The following ADAMTS19 variants were observed in gnomAD, a reference collection of about 807,000 sequenced individuals.
The protein encoded by ADAMTS19 is A disintegrin and metalloproteinase with thrombospondin motifs 19.
ADAMTS19 carries 93 observed loss-of-function variants against 153.3 expected under a neutral mutation model. The ratio of observed to expected loss-of-function variants is 0.61; its 90% CI spans 0.51 to 0.72. The LOEUF (loss-of-function observed/expected upper bound fraction) is 0.72. Among genes scored for constraint, ADAMTS19 ranks in the 30% least tolerant of loss-of-function variants. The probability of loss-of-function intolerance (pLI) is 0.00; values close to 1 mark genes in which losing one functional copy is unlikely to be tolerated. For synonymous variants in ADAMTS19, 600 were observed against 556.6 expected (o/e 1.08, Z -1.10); for missense variants, 1,482 against 1,552.1 (o/e 0.95, Z 0.76).
At chr5:129,530,243 G>A (rs562506852) in intron 6 of ADAMTS19, among the ~76,000 whole-genome samples, 2 of 152,272 alleles carry the variant, frequency 1.3e-5, no homozygotes, top group Admixed American at 6.5e-5. Context: ...AATAGAAACT[G>A]ACCTCAAGAT....
At chr5:129,735,156 T>G in intron 22 of ADAMTS19, 47 bp downstream of exon 22, 1 of 1,462,290 alleles carries the variant, frequency 6.8e-7, no homozygotes. Flanking sequence ...ATAGAAATGC[T>G]TATGGCTTCT....
chr5:129,669,688 T>A (rs1754213874), intron 16 of ADAMTS19, among the ~76,000 whole-genome samples: 1 of 152,124 alleles, frequency 6.6e-6, no homozygotes, highest in Admixed American at 6.6e-5. Flanking sequence ...ATCTTTCTTC[T>A]TTTTTAATAT....
chr5:129,552,370 A>G (rs895668964), intron 7 of ADAMTS19, among the ~76,000 whole-genome samples: 5 of 151,902 alleles, frequency 3.3e-5, no homozygotes, highest in Admixed American at 6.6e-5. Flanking sequence ...CACCATTTGT[A>G]TTAGATATCT....
At position 129,709,936 on chromosome 5, in the gene ADAMTS19, T is replaced by C. The variant is rs142689186; in HGVS notation, c.3312+5545T>C. Among the ~76,000 whole-genome samples the C allele has an allele frequency of 1.2e-4, 18 of 152,270 alleles. No individual in the cohort carries two copies. The East Asian group carries it at 3.5e-3, about 29-fold the overall frequency. On this transcript the variant is annotated intron_variant, in intron 21 of 22. Coordinates refer to ENST00000274487, the MANE Select transcript of ADAMTS19 (RefSeq NM_133638.6). ...ATAGGCTGTAGGCTCATAGGATCTT[T>C]GGCCTGACCATCTGTCCTCTATTTT... is the stretch of plus-strand genomic sequence containing the variant.
At chr5:129,510,856 GATAT>G (rs60233609) in intron 3 of ADAMTS19, among the ~76,000 whole-genome samples, 1,431 of 141,100 alleles carry the variant, frequency 0.01, 25 homozygotes, top group African/African-American at 0.036. Flanking sequence ...AAGTTTCTGA[GATAT>G]ATATATATAT....
chr5:129,464,444 G>A (rs940675408), intron 2 of ADAMTS19, among the ~76,000 whole-genome samples: 4 of 152,204 alleles, frequency 2.6e-5, no homozygotes, highest in African/African-American at 9.7e-5. Flanking sequence ...GTCAGTTGCA[G>A]AGAAGAGGGT....
At position 129,461,077 on chromosome 5, in the gene ADAMTS19, G is replaced by A; in HGVS notation, c.92-25G>A. 7.3e-7 allele frequency: 1 copy of A among 1,363,478 alleles called. No homozygotes were observed. The highest frequency in any genetic ancestry group is 9.4e-7 in the Non-Finnish European group (1 of 1,061,098). The allele number at this position is 1,363,478 out of a possible 1,614,324, so 84.5% of individuals were successfully genotyped here. A position where few individuals can be genotyped will look rare whatever the true frequency, so the allele number is the denominator to read the frequency against. ...CTGGAACCGCGGCACTTTAAGCCCC[G>A]CACTTCTGTCTGCCCCGCCCGCAGA... On this transcript the variant is annotated intron_variant, in intron 1 of 22. Transcript: ENST00000274487. This position sits in a 1 kb window ranked among gnomAD's most constrained non-coding sequence, Gnocchi z 4.6.
At chr5:129,646,089 T>C (rs30680) in intron 11 of ADAMTS19, among the ~76,000 whole-genome samples, 69,707 of 147,870 alleles carry the variant, frequency 0.47, 19,047 homozygotes, top group African/African-American at 0.76. Flanking sequence ...GGGGTTTCAC[T>C]GTTTTAGCCG....
At chr5:129,629,339 T>G (rs1752189217) in intron 10 of ADAMTS19, among the ~76,000 whole-genome samples, 1 of 152,220 alleles carries the variant, frequency 6.6e-6, no homozygotes, top group Non-Finnish European at 1.5e-5. Flanking sequence ...CAATTAGGCA[T>G]CCTTATGACC....
intron 21 of ADAMTS19, among the ~76,000 whole-genome samples, chr5:129,720,177 T>C: frequency 6.9e-6 from 1 of 145,848 alleles, no homozygotes; most frequent in East Asian, 2.0e-4. Flanking sequence ...TATATTTATT[T>C]TTTTTTTTTT....
rs929060451 is a variant in ADAMTS19, at chr5:129,519,469, G to A, written c.914-6815G>A. On this transcript the variant is annotated intron_variant, in intron 3 of 22. Transcript: ENST00000274487. Reference sequence around the variant, plus strand: ...GAGGGGTGATGCCAGAACTCCCTTGGCCATCCTAGCTGGTGTCTCAGTATA... The same window carrying A: ...GAGGGGTGATGCCAGAACTCCCTTGACCATCCTAGCTGGTGTCTCAGTATA... Among the ~76,000 whole-genome samples, 9 of 152,082 alleles carry A rather than the reference G, an allele frequency of 5.9e-5. No individual in the cohort carries two copies. The South Asian group carries it at 1.2e-3, about 21-fold the overall frequency.
chr5:129,472,251 GGTGTGA>G (rs1306337183), intron 2 of ADAMTS19, among the ~76,000 whole-genome samples: 1 of 152,190 alleles, frequency 6.6e-6, no homozygotes, highest in African/African-American at 2.4e-5. Context: ...CATTCTGGCT[GGTGTGA>G]GATGGTATCT....
At chr5:129,659,014 G>C (rs1753713844) in intron 15 of ADAMTS19, among the ~76,000 whole-genome samples, 1 of 152,158 alleles carries the variant, frequency 6.6e-6, no homozygotes, top group Non-Finnish European at 1.5e-5. Context: ...ATGTTATCAG[G>C]TTTCTACAGA....
At chr5:129,598,030 C>G (rs375928119) in intron 8 of ADAMTS19, among the ~76,000 whole-genome samples, 2 of 152,106 alleles carry the variant, frequency 1.3e-5, no homozygotes, top group African/African-American at 2.4e-5. Context: ...TAATTGGACT[C>G]AGATTTAGTG....
At chr5:129,546,716 C>A (rs1345993133) in intron 6 of ADAMTS19, among the ~76,000 whole-genome samples, 1 of 150,946 alleles carries the variant, frequency 6.6e-6, no homozygotes, top group African/African-American at 2.5e-5. Flanking sequence ...ATAGATAGAT[C>A]CTCATTGGAA....
At chr5:129,534,548 G>A (rs1581050935) in intron 6 of ADAMTS19, among the ~76,000 whole-genome samples, 2 of 152,028 alleles carry the variant, frequency 1.3e-5, no homozygotes, top group South Asian at 2.1e-4. Flanking sequence ...ATAGAAAAAG[G>A]GGGAATCCTC....
At position 129,544,095 on chromosome 5, in the gene ADAMTS19, A is replaced by G. The variant is rs139370680; in HGVS notation, c.1329-7769A>G. The stretch of plus-strand genomic sequence containing the variant: ...TCAGAATTTGCCAGGAGAAACAGAG[A>G]ACAATTTTAATAATTAATGTTGATA... On this transcript the variant is annotated intron_variant, in intron 6 of 22. Coordinates refer to ENST00000274487, the MANE Select transcript of ADAMTS19 (RefSeq NM_133638.6). 3.4e-3 allele frequency among the ~76,000 whole-genome samples: 512 copies of G among 152,304 alleles called. 4 individuals carry two copies. The highest frequency in any genetic ancestry group is 0.011 in the African/African-American group (444 of 41,584).
chr5:129,699,828 T>C (rs1172857156), intron 19 of ADAMTS19, among the ~76,000 whole-genome samples: 2 of 152,092 alleles, frequency 1.3e-5, no homozygotes, highest in Non-Finnish European at 2.9e-5. Flanking sequence ...GCTAGAAAAA[T>C]ATATGAATAA....
At chr5:129,558,870 T>A (rs1196856563) in intron 7 of ADAMTS19, among the ~76,000 whole-genome samples, 1 of 152,074 alleles carries the variant, frequency 6.6e-6, no homozygotes, top group Non-Finnish European at 1.5e-5. Context: ...GAAAAAAATT[T>A]GAGATTAATT....
Sources: gnomAD v4.1 joint callset for allele counts (sites outside exome capture counted in the v4.1 genomes callset) on GRCh38, gnomAD v4.1.1 for gene constraint, Gnocchi (gnomAD v3.1) non-coding constraint, MANE v1.5 for transcripts, NCBI Gene and HGNC (gene_info 2026-07-23, HGNC 2026-07-21) for gene names.